Variants in GPHN observed in about 807,000 individuals in gnomAD.
GPHN encodes the protein gephyrin.
Under a neutral mutation model 95.5 loss-of-function variants are expected in GPHN, and 17 were observed. The ratio of observed to expected loss-of-function variants is 0.18; its 90% CI spans 0.12 to 0.27. The LOEUF (loss-of-function observed/expected upper bound fraction) is 0.27, where lower values mean the gene tolerates loss of function less well. Ranked by LOEUF, GPHN falls within the 10% of genes least tolerant of loss-of-function variation. GPHN has a pLI of 1.00. For synonymous variants in GPHN, 320 were observed against 322.5 expected, an observed-to-expected ratio of 0.99 and a Z score of 0.08; for missense variants, 660 against 978.1, an observed-to-expected ratio of 0.67 and a Z score of 4.34.
intron 1 of GPHN, among the ~76,000 whole-genome samples, chr14:66,642,321 A>G (rs565833055): frequency 1.4e-4 from 21 of 152,180 alleles, no homozygotes; most frequent in Admixed American, 4.6e-4. Context: ...CAGAAGGGGG[A>G]GTCATTGATT....
intron 2 of GPHN, among the ~76,000 whole-genome samples, chr14:66,708,261 A>G (rs950646313): frequency 1.3e-5 from 2 of 152,062 alleles, no homozygotes; most frequent in Non-Finnish European, 2.9e-5. Flanking sequence ...CCCTTTCGGC[A>G]TATCTTCTTA....
At chr14:66,757,052 G>A (rs563918872) in intron 2 of GPHN, among the ~76,000 whole-genome samples, 8 of 152,202 alleles carry the variant, frequency 5.3e-5, no homozygotes, top group South Asian at 2.1e-4. Context: ...TGCAGTTAGC[G>A]GTAATAGGGG....
chr14:67,192,370 G>C, the GPHN span, among the ~76,000 whole-genome samples: 2 of 151,952 alleles, frequency 1.3e-5, no homozygotes, highest in Admixed American at 1.3e-4. Flanking sequence ...AGTTTTGTTT[G>C]TTTCTTTCTT....
chr14:67,377,829 T>A, the GPHN span, among the ~76,000 whole-genome samples: 1 of 152,056 alleles, frequency 6.6e-6, no homozygotes, highest in African/African-American at 2.4e-5. Context: ...CACACTTGGC[T>A]ATGTGTGGTA....
At chr14:67,620,815 G>A in the GPHN span, 1 of 1,439,014 alleles carries the variant, frequency 6.9e-7, no homozygotes, top group Non-Finnish European at 9.8e-7. Context: ...AGAGGAACCT[G>A]CTGGGAACTA....
intron 4 of GPHN, among the ~76,000 whole-genome samples, chr14:66,833,778 T>C (rs979996990): frequency 6.6e-6 from 1 of 152,192 alleles, no homozygotes; most frequent in Non-Finnish European, 1.5e-5. Context: ...TGATTTGTTG[T>C]CTGGAAACCT....
At chr14:67,721,910 C>T in the GPHN span, among the ~76,000 whole-genome samples, 1 of 152,142 alleles carries the variant, frequency 6.6e-6, no homozygotes, top group Non-Finnish European at 1.5e-5. Context: ...AGTCCATGCA[C>T]TTAAACACCA....
the GPHN span, among the ~76,000 whole-genome samples, chr14:67,269,531 A>C: frequency 3.3e-5 from 5 of 152,196 alleles, no homozygotes; most frequent in African/African-American, 1.2e-4. Context: ...ATTGATGTCC[A>C]TTAGATACAG....
intron 1 of GPHN, among the ~76,000 whole-genome samples, chr14:66,654,636 C>T (rs540566730): frequency 1.4e-4 from 21 of 152,200 alleles, no homozygotes; most frequent in Non-Finnish European, 1.8e-4. Flanking sequence ...GTTTTTCACA[C>T]GGTGAAAGTT....
chr14:67,685,896 G>A, the GPHN span, among the ~76,000 whole-genome samples: 3 of 151,898 alleles, frequency 2.0e-5, no homozygotes, highest in Admixed American at 6.6e-5. Flanking sequence ...GATTACAGGC[G>A]CCCATCCCCT....
the GPHN span, chr14:67,312,080 C>T: frequency 6.5e-6 from 1 of 152,708 alleles, no homozygotes; most frequent in Non-Finnish European, 1.5e-5. Flanking sequence ...TCATTGTTTT[C>T]ACAGGTCAGG....
At chr14:67,439,581 C>CTTTT in the GPHN span, among the ~76,000 whole-genome samples, 752 of 118,486 alleles carry the variant, frequency 6.3e-3, 21 homozygotes, top group African/African-American at 0.028. Flanking sequence ...TTCTTTCTTT[C>CTTTT]TTTCTTTCTT....
chr14:67,044,503 C>T (rs1447493910), intron 10 of GPHN, among the ~76,000 whole-genome samples: 1 of 151,924 alleles, frequency 6.6e-6, no homozygotes, highest in Admixed American at 6.6e-5. Context: ...TATATTTTCC[C>T]CAGGACATGT....
At chr14:66,990,882 A>T (rs957938736) in intron 9 of GPHN, among the ~76,000 whole-genome samples, 1 of 151,774 alleles carries the variant, frequency 6.6e-6, no homozygotes, top group Non-Finnish European at 1.5e-5. Flanking sequence ...TTTTAAAATT[A>T]AATATTTAAT....
chr14:66,539,468 G>A (rs1437116806), intron 1 of GPHN, among the ~76,000 whole-genome samples: 9 of 143,712 alleles, frequency 6.3e-5, no homozygotes. Context: ...AGGCTGGAGT[G>A]CAATGGCGTG....
At chr14:67,151,872 G>T (rs1224230144) in intron 18 of GPHN, among the ~76,000 whole-genome samples, 3 of 152,058 alleles carry the variant, frequency 2.0e-5, no homozygotes. Flanking sequence ...TCGAACTCCT[G>T]GCCTCGAGTG....
chr14:66,545,352 C>G (rs1270541737), intron 1 of GPHN, among the ~76,000 whole-genome samples: 1 of 146,944 alleles, frequency 6.8e-6, no homozygotes, highest in Non-Finnish European at 1.5e-5. Flanking sequence ...CCCCACCTCC[C>G]TCCCGGACGG....
chr14:66,556,138 T>A (rs925289072), intron 1 of GPHN, among the ~76,000 whole-genome samples: 1 of 152,178 alleles, frequency 6.6e-6, no homozygotes, highest in Non-Finnish European at 1.5e-5. Context: ...AGTAAAAATA[T>A]GATGTTATAA....
chr14:67,329,117 A>G, the GPHN span, among the ~76,000 whole-genome samples: 4 of 152,180 alleles, frequency 2.6e-5, no homozygotes, highest in Non-Finnish European at 4.4e-5. Context: ...TGAGCATGGA[A>G]TGTTCTTCCA....
Sources: gnomAD v4.1 joint callset for allele counts (sites outside exome capture counted in the v4.1 genomes callset) on GRCh38, gnomAD v4.1.1 for gene constraint, MANE v1.5 for transcripts, NCBI Gene and HGNC (gene_info 2026-07-23, HGNC 2026-07-21) for gene names.